UNC5D: variants seen among roughly 807,000 people sequenced by gnomAD.
The protein encoded by UNC5D is unc-5 netrin receptor D.
UNC5D carries 39 observed loss-of-function variants against 105.4 expected under a neutral mutation model. The ratio of observed to expected loss-of-function variants is 0.37; its 90% CI spans 0.29 to 0.48. UNC5D has a LOEUF of 0.48. Among genes scored for constraint, UNC5D ranks in the 20% least tolerant of loss-of-function variants. UNC5D has a pLI of 0.98. For missense variants in UNC5D, 991 were observed against 1,202.4 expected, an observed-to-expected ratio of 0.82 and a Z score of 2.60; for synonymous variants, 452 against 450.4, an observed-to-expected ratio of 1.00 and a Z score of -0.04.
At chr8:35,512,537 ATG>A (rs36046115) in intron 1 of UNC5D, among the ~76,000 whole-genome samples, 80 of 62,288 alleles carry the variant, frequency 1.3e-3, no homozygotes, top group Non-Finnish European at 1.8e-3. Context: ...TCAGATATGT[ATG>A]TATATATATA....
At position 35,790,959 on chromosome 8, in the gene UNC5D, C is replaced by T. The variant is rs1303216486; in HGVS notation, c.*396C>T. ...CCCAAAGGGCCAGCTGATTCTGGTA[C>T]TAGATTGTCAGAGTTTTCTACCAAC... is the stretch of plus-strand genomic sequence containing the variant. On this transcript the variant is annotated 3_prime_UTR_variant, in exon 17 of 17. Transcript: ENST00000404895. 5.0e-6 allele frequency: 1 copy of T among 199,764 alleles called. No individual in the cohort carries two copies. Among genetic ancestry groups the T allele is most frequent in the African/African-American group, 2.3e-5 (1 of 43,558 alleles). 12.4% of individuals were successfully genotyped at this position (199,764 alleles called of 1,614,324 possible).
Position 35,748,702 on chromosome 8 carries a change from C to A in UNC5D, c.1935+7C>A, listed in dbSNP as rs201373561. 1 of 1,610,288 alleles carries A rather than the reference C, an allele frequency of 6.2e-7. No individual in the cohort carries two copies. The highest frequency in any genetic ancestry group is 1.1e-5 in the South Asian group (1 of 90,266). ...ACAGCAGGGCAAATGGGAGGTGAGA[C>A]CCTTTACTTCCTTTTTTAAACAGTG... On this transcript the variant is annotated splice_region_variant and intron_variant, in intron 12 of 16. Coordinates refer to ENST00000404895, the MANE Select transcript of UNC5D (RefSeq NM_080872.4).
chr8:35,421,376 G>A (rs1198986186), intron 1 of UNC5D, among the ~76,000 whole-genome samples: 1 of 152,134 alleles, frequency 6.6e-6, no homozygotes, highest in Non-Finnish European at 1.5e-5. Flanking sequence ...TGGGGAAAGG[G>A]AGAAGAGAAT....
chr8:35,570,397 ATAGT>A (rs1817636214), intron 3 of UNC5D, among the ~76,000 whole-genome samples: 1 of 152,212 alleles, frequency 6.6e-6, no homozygotes, highest in Non-Finnish European at 1.5e-5. Context: ...AATTATTTTC[ATAGT>A]TAAAGTTAAA....
intron 1 of UNC5D, among the ~76,000 whole-genome samples, chr8:35,308,729 G>T (rs1197457486): frequency 6.6e-6 from 1 of 152,212 alleles, no homozygotes; most frequent in African/African-American, 2.4e-5. Flanking sequence ...AATCAATAAT[G>T]ATTATTCCTT....
intron 1 of UNC5D, among the ~76,000 whole-genome samples, chr8:35,313,150 A>G (rs1403596196): frequency 6.6e-6 from 1 of 152,242 alleles, no homozygotes; most frequent in Admixed American, 6.5e-5. Context: ...ACAATAGGTC[A>G]TTAAGGTGAA....
At chr8:35,439,013 G>A (rs1216152525) in intron 1 of UNC5D, among the ~76,000 whole-genome samples, 2 of 151,838 alleles carry the variant, frequency 1.3e-5, no homozygotes, top group Non-Finnish European at 2.9e-5. Context: ...GAATTAGACA[G>A]CTCTGGTTCA....
rs750831940 is a variant in UNC5D at position 35,748,501 on chromosome 8, C to T, written c.1767-26C>T. On this transcript the variant is annotated intron_variant, in intron 11 of 16. Transcript: ENST00000404895. Reference sequence around the variant, plus strand: ...TGGCCCCTCCTCTACATACTTCTCTCTTCTATCCTTTTTTCAACTGTGAAG... The same window carrying T: ...TGGCCCCTCCTCTACATACTTCTCTTTTCTATCCTTTTTTCAACTGTGAAG... 9 of 1,606,972 alleles carry T rather than the reference C, an allele frequency of 5.6e-6. No homozygotes were observed. In the Admixed American group the frequency reaches 1.2e-4, roughly 21 times the overall value.
chr8:35,728,891 C>T (rs1330637874), intron 10 of UNC5D, among the ~76,000 whole-genome samples: 1 of 152,088 alleles, frequency 6.6e-6, no homozygotes, highest in Non-Finnish European at 1.5e-5. Context: ...AGGTAACTGG[C>T]CAATGACATA....
chr8:35,603,429 C>T (rs945618955), intron 4 of UNC5D, among the ~76,000 whole-genome samples: 3 of 152,110 alleles, frequency 2.0e-5, no homozygotes, highest in Non-Finnish European at 4.4e-5. Flanking sequence ...AATTTCTGTT[C>T]TTTTACATTT....
intron 4 of UNC5D, among the ~76,000 whole-genome samples, chr8:35,601,303 G>A (rs1429839964): frequency 6.6e-6 from 1 of 152,116 alleles, no homozygotes; most frequent in Non-Finnish European, 1.5e-5. Context: ...GGTTCCATAT[G>A]AACTTTAAAG....
At position 35,796,260 on chromosome 8, in the gene UNC5D, T is replaced by C. The variant is rs1335580269; in HGVS notation, c.*5697T>C. 2 of 152,102 alleles carry C rather than the reference T, an allele frequency of 1.3e-5. No individual in the cohort carries two copies. The highest frequency in any genetic ancestry group is 4.8e-5 in the African/African-American group (2 of 41,414). The allele number at this position is 152,102 out of a possible 1,614,324, so 9.4% of individuals were successfully genotyped here. A position where few individuals can be genotyped will look rare whatever the true frequency, so the allele number is the denominator to read the frequency against. On this transcript the variant is annotated 3_prime_UTR_variant, in exon 17 of 17. Coordinates refer to ENST00000404895, the MANE Select transcript of UNC5D (RefSeq NM_080872.4). ...TTGTATTATCAATGTAAATTCTGAATGTTGTACAGTAAACTTGGATGGACT... is the reference window on the plus strand; with the variant it reads ...TTGTATTATCAATGTAAATTCTGAACGTTGTACAGTAAACTTGGATGGACT...
chr8:35,472,010 C>T (rs1040966672), intron 1 of UNC5D, among the ~76,000 whole-genome samples: 2 of 152,120 alleles, frequency 1.3e-5, no homozygotes, highest in African/African-American at 4.8e-5. Flanking sequence ...TTCTTAGTTC[C>T]TATCTTTAAG....
At chr8:35,280,138 G>C (rs1806048599) in intron 1 of UNC5D, among the ~76,000 whole-genome samples, 1 of 152,114 alleles carries the variant, frequency 6.6e-6, no homozygotes, top group Admixed American at 6.5e-5. Flanking sequence ...TGGGATTACA[G>C]GTGCCCACCA....
chr8:35,447,379 C>A (rs1807869255), intron 1 of UNC5D, among the ~76,000 whole-genome samples: 3 of 151,996 alleles, frequency 2.0e-5, no homozygotes, highest in Admixed American at 2.0e-4. Flanking sequence ...AGAGCTGCAG[C>A]TAAACTCAGA....
chr8:35,673,404 CA>C (rs1339137544), intron 4 of UNC5D, among the ~76,000 whole-genome samples: 1 of 152,096 alleles, frequency 6.6e-6, no homozygotes, highest in African/African-American at 2.4e-5. Context: ...AATGCCAAGT[CA>C]AATTAGGCAA....
At chr8:35,608,400 C>T (rs1820453107) in intron 4 of UNC5D, among the ~76,000 whole-genome samples, 1 of 152,034 alleles carries the variant, frequency 6.6e-6, no homozygotes, top group African/African-American at 2.4e-5. Flanking sequence ...GCTATTGATG[C>T]CTTAGCAAAC....
intron 1 of UNC5D, among the ~76,000 whole-genome samples, chr8:35,541,968 T>C (rs1815307440): frequency 6.6e-6 from 1 of 152,168 alleles, no homozygotes; most frequent in African/African-American, 2.4e-5. Context: ...TTTGATTTCT[T>C]TGAATGTGTC....
chr8:35,246,465 T>A (rs1158674393), intron 1 of UNC5D, among the ~76,000 whole-genome samples: 2 of 152,136 alleles, frequency 1.3e-5, no homozygotes, highest in African/African-American at 4.8e-5. Flanking sequence ...CATACATGTA[T>A]AACTAATGCA....
Sources: allele counts gnomAD v4.1 joint callset (sites outside exome capture counted in the v4.1 genomes callset), GRCh38; gene constraint gnomAD v4.1.1; transcripts MANE v1.5; gene names NCBI Gene and HGNC (gene_info 2026-07-23, HGNC 2026-07-21).